Variants in MAP7D3 observed in about 807,000 individuals in gnomAD.
MAP7D3 encodes MAP7 domain containing 3.
MAP7D3 carries 45 observed loss-of-function variants against 62.2 expected under a neutral mutation model. The observed-to-expected ratio is 0.72, with a 90% confidence interval of 0.57 to 0.93. The LOEUF (loss-of-function observed/expected upper bound fraction) is 0.93, where lower values mean the gene tolerates loss of function less well. Among genes scored for constraint, MAP7D3 ranks in the 40% least tolerant of loss-of-function variants. The pLI, the probability that MAP7D3 is intolerant of heterozygous loss-of-function variation, is 0.00. For synonymous variants in MAP7D3, 288 were observed against 248.8 expected (o/e 1.16, Z -1.48); for missense variants, 711 against 683.1 (o/e 1.04, Z -0.45).
At chrX:136,243,945 T>C (rs369656442) in intron 4 of MAP7D3, among the ~76,000 whole-genome samples, 2 of 110,917 alleles carry the variant, frequency 1.8e-5, no homozygotes, top group African/African-American at 6.6e-5. Flanking sequence ...AGAGAGGGCA[T>C]AACAAAGCCA....
intron 10 of MAP7D3, among the ~76,000 whole-genome samples, chrX:136,230,012 A>G: frequency 1.3e-5 from 1 of 75,430 alleles, no homozygotes; most frequent in Non-Finnish European, 2.5e-5. Flanking sequence ...TTTTTTGTAG[A>G]AACAGGGGTC....
intron 15 of MAP7D3, chrX:136,221,841 A>C (rs2074134125): frequency 8.9e-6 from 1 of 112,548 alleles, no homozygotes; most frequent in African/African-American, 3.2e-5. Flanking sequence ...CATCCCCAGC[A>C]CCTAGTAGAG....
intron 2 of MAP7D3, 31 bp downstream of exon 2, chrX:136,246,212 G>A: frequency 8.8e-7 from 1 of 1,130,178 alleles, no homozygotes; most frequent in Non-Finnish European, 1.2e-6. Flanking sequence ...ATGACACTTT[G>A]ACATCTATCA....
At chrX:136,248,095 T>C (rs2074468341) in intron 1 of MAP7D3, among the ~76,000 whole-genome samples, 1 of 111,739 alleles carries the variant, frequency 8.9e-6, no homozygotes, top group Non-Finnish European at 1.9e-5. Context: ...ATGCCTGTAG[T>C]CTCAGCTACT....
intron 6 of MAP7D3, among the ~76,000 whole-genome samples, chrX:136,239,761 T>TA (rs1207383084): frequency 4.4e-5 from 5 of 112,717 alleles, no homozygotes; most frequent in Non-Finnish European, 7.5e-5. Context: ...CAATTTCATT[T>TA]ATATGTTGGT....
At chrX:136,229,939 G>C (rs763180476) in intron 10 of MAP7D3, among the ~76,000 whole-genome samples, 2 of 91,221 alleles carry the variant, frequency 2.2e-5, no homozygotes, top group Non-Finnish European at 4.2e-5. Context: ...TTTCCACATC[G>C]GGCTAATTTT....
Position 136,251,350 on chromosome X carries a change from C to G in MAP7D3, c.9G>C (p.Ala3=). The stretch of plus-strand genomic sequence containing the variant: ...CGCCAGCGCCAGCTGCGGCGCCGTC[C>G]GCCATCATCGGAGTCGGGACCGGAG... MM[A]DGAAAGAGGS... The change falls in exon 1 of 19, where the codon GCG becomes GCC. Residue 3 remains alanine (A), a synonymous_variant. Transcript: ENST00000316077. 2 of 1,123,887 alleles carry G rather than the reference C, an allele frequency of 1.8e-6. No individual in the cohort carries two copies. Among genetic ancestry groups the G allele is most frequent in the Non-Finnish European group, 2.3e-6 (2 of 857,703 alleles). 92.6% of individuals were successfully genotyped at this position (1,123,887 alleles called of 1,213,427 possible).
chrX:136,243,676 C>T (rs2074414769), intron 4 of MAP7D3, among the ~76,000 whole-genome samples: 1 of 109,041 alleles, frequency 9.2e-6, no homozygotes, highest in Non-Finnish European at 1.9e-5. Flanking sequence ...ATACTCCAGC[C>T]TGGGCGACAG....
chrX:136,235,428 A>G (rs777227705), intron 7 of MAP7D3, among the ~76,000 whole-genome samples: 1 of 111,955 alleles, frequency 8.9e-6, no homozygotes, highest in Non-Finnish European at 1.9e-5. Flanking sequence ...ACGTGAAAGG[A>G]AAATGCTAGG....
intron 14 of MAP7D3, among the ~76,000 whole-genome samples, 173 bp from the exon 15 acceptor site, chrX:136,222,659 G>A (rs1443271676): frequency 4.5e-5 from 5 of 111,251 alleles, no homozygotes; most frequent in Non-Finnish European, 9.4e-5. Flanking sequence ...GGGGGATAGG[G>A]ACAGGTGCCC....
rs768921111 is a variant in MAP7D3 at position 136,232,087 on chromosome X, A to G, written c.870T>C (p.Ser290=). The change falls in exon 8 of 19, where the codon TCT becomes TCC. Residue 290 remains serine, a synonymous_variant. Coordinates refer to ENST00000316077, the MANE Select transcript of MAP7D3 (RefSeq NM_024597.4). The part of the protein sequence containing the change: ...KIPPQTKVEE[S]PLEKVETPPK... ...GAGGTGTCTCTACTTTCTCCAAGGG[A>G]GACTCTTCTACTTTTGTTTGAGGAG... The G allele has an allele frequency of 3.6e-5, 44 of 1,208,740 alleles. No individual in the cohort carries two copies. Among genetic ancestry groups the G allele is most frequent in the Non-Finnish European group, 4.8e-5 (43 of 893,976 alleles).
downstream of MAP7D3, chrX:136,216,662 A>G: frequency 9.0e-6 from 1 of 111,555 alleles, no homozygotes; most frequent in South Asian, 3.7e-4. Flanking sequence ...ACTCTGCCAA[A>G]TCACCAACTG....
intron 7 of MAP7D3, among the ~76,000 whole-genome samples, chrX:136,235,393 GT>G (rs764398512): frequency 9.8e-5 from 11 of 112,185 alleles, no homozygotes; most frequent in South Asian, 7.4e-4. Flanking sequence ...GAATGGTTTG[GT>G]ATGAAACAAA....
At chrX:136,226,336 C>T (rs780703957) in intron 12 of MAP7D3, among the ~76,000 whole-genome samples, 26 of 111,449 alleles carry the variant, frequency 2.3e-4, no homozygotes, top group South Asian at 1.5e-3. Context: ...CCTGACATTT[C>T]TCAAAAGCAC....
At chrX:136,234,323 T>C (rs990596387) in intron 7 of MAP7D3, among the ~76,000 whole-genome samples, 37 of 111,591 alleles carry the variant, frequency 3.3e-4, no homozygotes, top group Admixed American at 3.1e-3. Flanking sequence ...TCTGAAGATG[T>C]TTCATGTTAA....
Position 136,244,717 on chromosome X carries a change from C to G in MAP7D3, c.332G>C (p.Arg111Thr). 8.3e-7 allele frequency: 1 copy of G among 1,205,273 alleles called. No individual in the cohort carries two copies. The change falls in exon 4 of 19, where the codon AGA (arginine) becomes ACA (threonine). Residue 111 changes from arginine (R) to threonine (T), a missense_variant. Coordinates refer to ENST00000316077, the MANE Select transcript of MAP7D3 (RefSeq NM_024597.4). ...QYEKQMEERQ[R>T]KLKERKEKEE... The stretch of plus-strand genomic sequence containing the variant: ...TTTCTCTTTTCGCTCCTTCAGCTTT[C>G]TCTGTCTTTCCTCCATCTGTTTTTC...
In MAP7D3 at chrX:136,217,270, C is replaced by T. The variant is rs2074072640; in HGVS notation, c.*1256G>A. ...CTGGCAGCCAGTGGCTAGAGAAAGG[C>T]AAGCAAATTTTGGTTGTATCTCAAG... On this transcript the variant is annotated 3_prime_UTR_variant, in exon 19 of 19. Transcript: ENST00000316077. 8.9e-6 allele frequency: 1 copy of T among 112,297 alleles called. No individual in the cohort carries two copies. The highest frequency in any genetic ancestry group is 3.7e-4 in the South Asian group (1 of 2,729). 9.3% of individuals were successfully genotyped at this position (112,297 alleles called of 1,213,427 possible).
At position 136,246,079 on chromosome X, in the gene MAP7D3, C is replaced by G; in HGVS notation, c.239G>C (p.Arg80Thr). ...CTAAAATATACCGTCTTGCTGTCTC[C>G]TTTTCTCCTCTCTGCGCTCTCTTGC... ...RLARERREEK[R>T]RQQDANKETQ... is the part of the protein sequence containing the mutation. Residue 80 changes from arginine (R) to threonine (T), a missense_variant, in exon 3 of 19, where the codon AGG (arginine) becomes ACG (threonine). Transcript: ENST00000316077. 1 of 1,197,705 alleles carries G rather than the reference C, an allele frequency of 8.3e-7. No individual in the cohort carries two copies. Among genetic ancestry groups the G allele is most frequent in the Non-Finnish European group, 1.1e-6 (1 of 886,331 alleles).
chrX:136,216,382 GA>G (rs1160062689), downstream of MAP7D3, among the ~76,000 whole-genome samples: 2 of 46,366 alleles, frequency 4.3e-5, no homozygotes, highest in Non-Finnish European at 8.2e-5. Flanking sequence ...AAAAAAAAAA[GA>G]AAAAAAGAGA....
Sources: allele counts gnomAD v4.1 joint callset (sites outside exome capture counted in the v4.1 genomes callset), GRCh38; gene constraint gnomAD v4.1.1; transcripts MANE v1.5; gene names NCBI Gene and HGNC (gene_info 2026-07-23, HGNC 2026-07-21).